EPM2A: variants seen among roughly 807,000 people sequenced by gnomAD.
EPM2A encodes laforin.
EPM2A carries 21 observed loss-of-function variants against 26.5 expected under a neutral mutation model. That is an observed-to-expected ratio of 0.79 (90% CI 0.56 to 1.14). The LOEUF is 1.14. EPM2A is among the 50% of genes most tolerant of loss of function. The pLI, the probability that EPM2A is intolerant of heterozygous loss-of-function variation, is 0.00. For missense variants in EPM2A, 458 were observed against 440.8 expected (o/e 1.04, Z -0.35); for synonymous variants, 217 against 177.6 (o/e 1.22, Z -1.76).
intron 2 of EPM2A, among the ~76,000 whole-genome samples, chr6:145,524,450 C>T (rs1476680767): frequency 6.6e-6 from 1 of 151,802 alleles, no homozygotes; most frequent in Non-Finnish European, 1.5e-5. Context: ...ACATTTTTCA[C>T]CTTTTTATGA....
intron 2 of EPM2A, among the ~76,000 whole-genome samples, chr6:145,569,599 G>C (rs1161684936): frequency 6.6e-6 from 1 of 152,122 alleles, no homozygotes; most frequent in Non-Finnish European, 1.5e-5. Context: ...TTGTTTAAAA[G>C]CCCCCTTTGA....
At chr6:145,642,301 A>C (rs1409924847) in intron 2 of EPM2A, among the ~76,000 whole-genome samples, 1 of 152,122 alleles carries the variant, frequency 6.6e-6, no homozygotes, top group Non-Finnish European at 1.5e-5. Flanking sequence ...TTTTTTACTT[A>C]GTGAACTTGA....
chr6:145,463,937 C>T (rs560628772), intron 4 of EPM2A, among the ~76,000 whole-genome samples: 2 of 152,242 alleles, frequency 1.3e-5, no homozygotes, highest in South Asian at 4.1e-4. Flanking sequence ...GGGGAAGGAC[C>T]TGGTGGGAGG....
At chr6:145,402,435 T>C (rs1354279951) in intron 4 of EPM2A, among the ~76,000 whole-genome samples, 1 of 152,162 alleles carries the variant, frequency 6.6e-6, no homozygotes, top group Admixed American at 6.6e-5. Flanking sequence ...ATGACATTAC[T>C]GTGCAGTGTC....
chr6:145,683,455 G>C (rs1780698636), intron 2 of EPM2A, among the ~76,000 whole-genome samples: 1 of 151,368 alleles, frequency 6.6e-6, no homozygotes, highest in African/African-American at 2.4e-5. Context: ...CCTTGCAGTG[G>C]ATAACAGGTT....
chr6:145,611,437 C>T (rs147541653), intron 2 of EPM2A, among the ~76,000 whole-genome samples: 96 of 151,938 alleles, frequency 6.3e-4, no homozygotes, highest in African/African-American at 2.1e-3. Context: ...ACAGCCATCT[C>T]CACTTTCCAC....
chr6:145,577,579 C>A (rs1781051242), intron 2 of EPM2A, among the ~76,000 whole-genome samples: 1 of 113,594 alleles, frequency 8.8e-6, no homozygotes, highest in Non-Finnish European at 1.6e-5. Flanking sequence ...GAAATGTAGA[C>A]CCCCCCCCAA....
chr6:145,637,462 G>A (rs1443600478), intron 2 of EPM2A: 2 of 151,698 alleles, frequency 1.3e-5, no homozygotes, highest in African/African-American at 2.4e-5. Context: ...CCCTGCAGGA[G>A]AAGAACAACT....
At chr6:145,502,852 T>C (rs1779911822) in intron 2 of EPM2A, among the ~76,000 whole-genome samples, 1 of 152,256 alleles carries the variant, frequency 6.6e-6, no homozygotes, top group African/African-American at 2.4e-5. Context: ...AGGCTTTCAC[T>C]GAATAATTAT....
At chr6:145,539,023 C>T (rs899879634) in intron 2 of EPM2A, among the ~76,000 whole-genome samples, 3 of 152,178 alleles carry the variant, frequency 2.0e-5, no homozygotes, top group Admixed American at 1.3e-4. Flanking sequence ...TTTGTACATA[C>T]GAGAGCCCTT....
intron 2 of EPM2A, among the ~76,000 whole-genome samples, chr6:145,562,371 AAGATTAC>A (rs1780819065): frequency 6.6e-6 from 1 of 152,166 alleles, no homozygotes; most frequent in Non-Finnish European, 1.5e-5. Context: ...AAGAAAAAAA[AAGATTAC>A]AGTTCTTCAG....
At position 145,485,974 on chromosome 6, in the gene EPM2A, C is replaced by T. The variant is rs145979109; in HGVS notation, c.555+16548G>A. Among the ~76,000 whole-genome samples, 256 of 152,306 alleles carry T rather than the reference C, an allele frequency of 1.7e-3. 1 individual carries two copies. The highest frequency in any genetic ancestry group is 5.9e-3 in the African/African-American group (247 of 41,580). The stretch of plus-strand genomic sequence containing the variant: ...CCCTCATGATTCGGTTATCTCCCAC[C>T]AGGTCCCTCCCACCACATGTGGGAA... On this transcript the variant is annotated intron_variant, in intron 4 of 4. Transcript: ENST00000638717.
intron 2 of EPM2A, chr6:145,502,586 G>C (rs1238502306): frequency 2.1e-6 from 1 of 470,926 alleles, no homozygotes; most frequent in Non-Finnish European, 4.4e-6. Context: ...CTGGAAAAAG[G>C]AGGAGAGGAG....
Position 145,682,919 on chromosome 6 carries a change from T to C in EPM2A, c.476+3203A>G, listed in dbSNP as rs955489551. Among the ~76,000 whole-genome samples, 7 of 152,162 alleles carry C rather than the reference T, an allele frequency of 4.6e-5. 1 individual carries two copies. Among genetic ancestry groups the C allele is most frequent in the Admixed American group, 1.3e-4 (2 of 15,260 alleles). On this transcript the variant is annotated intron_variant, in intron 2 of 3. Transcript: ENST00000367519. ...TTGAATACCTCCATTGTATAAATGCTCAAACATATAATCTACCTGTCTGTA... is the reference window on the plus strand; with the variant it reads ...TTGAATACCTCCATTGTATAAATGCCCAAACATATAATCTACCTGTCTGTA...
At chr6:145,384,769 C>T (rs541475087) in intron 4 of EPM2A, among the ~76,000 whole-genome samples, 1 of 147,686 alleles carries the variant, frequency 6.8e-6, no homozygotes, top group South Asian at 2.3e-4. Context: ...CATCCAAGTA[C>T]AGATCATCAC....
chr6:145,482,026 G>C (rs1779616340), intron 4 of EPM2A, among the ~76,000 whole-genome samples: 1 of 152,086 alleles, frequency 6.6e-6, no homozygotes, highest in Non-Finnish European at 1.5e-5. Context: ...GTAAAAAAAG[G>C]CATCATAAGA....
intron 2 of EPM2A, among the ~76,000 whole-genome samples, chr6:145,504,276 G>A (rs1185893697): frequency 9.0e-6 from 1 of 111,626 alleles, no homozygotes; most frequent in African/African-American, 3.2e-5. Flanking sequence ...CTTCTGCATA[G>A]CAAAAGAAAC....
At chr6:145,600,289 T>C (rs1417005714) in intron 2 of EPM2A, among the ~76,000 whole-genome samples, 1 of 152,226 alleles carries the variant, frequency 6.6e-6, no homozygotes, top group Non-Finnish European at 1.5e-5. Flanking sequence ...GCAAGGTTTC[T>C]AACAGAGTTC....
intron 4 of EPM2A, among the ~76,000 whole-genome samples, chr6:145,465,332 A>G (rs1779374930): frequency 6.7e-6 from 1 of 149,640 alleles, no homozygotes; most frequent in African/African-American, 2.4e-5. Flanking sequence ...AGCTCCTTTA[A>G]GCACTTCTCT....
Sources: allele counts gnomAD v4.1 joint callset (sites outside exome capture counted in the v4.1 genomes callset), GRCh38; gene constraint gnomAD v4.1.1; transcripts MANE v1.5; gene names NCBI Gene and HGNC (gene_info 2026-07-23, HGNC 2026-07-21).